CEP120: variants seen among roughly 807,000 people sequenced by gnomAD.
CEP120 encodes centrosomal protein 120.
In CEP120, 113 loss-of-function variants were observed where a neutral mutation model predicts 126.5. That is an observed-to-expected ratio of 0.89 (90% CI 0.77 to 1.04). The LOEUF is 1.04. Among genes scored for constraint, CEP120 ranks in the 50% least tolerant of loss-of-function variants. The pLI is 0.00. For missense variants in CEP120, 1,230 were observed against 1,155.7 expected, an observed-to-expected ratio of 1.06 and a Z score of -0.93; for synonymous variants, 400 against 394.3, an observed-to-expected ratio of 1.01 and a Z score of -0.17.
intron 18 of CEP120, among the ~76,000 whole-genome samples, chr5:123,360,774 G>GT (rs1770018993): frequency 6.6e-6 from 1 of 151,722 alleles, no homozygotes; most frequent in South Asian, 2.1e-4. Context: ...GATTCTTGCA[G>GT]TGGAGCCTTT....
chr5:123,350,030 C>G lies in CEP120; in HGVS notation c.2640G>C (p.Met880Ile). ...LKKQQEELEQ[M>I]RLRYLAAEEK... is the part of the protein sequence containing the mutation. ...CCTCAGCGGCAAGGTAACGTAGTCT[C>G]ATCTGTTCCAATTCTTCCTGCTGTT... Residue 880 changes from methionine (M) to isoleucine (I), a missense_variant, in exon 19 of 20, where the codon ATG (methionine) becomes ATC (isoleucine). Coordinates refer to ENST00000306467, the MANE Select transcript of CEP120 (RefSeq NM_001375405.1). The G allele has an allele frequency of 6.2e-7, 1 of 1,613,664 alleles. No individual in the cohort carries two copies. The highest frequency in any genetic ancestry group is 8.5e-7 in the Non-Finnish European group (1 of 1,179,828).
intron 7 of CEP120, among the ~76,000 whole-genome samples, chr5:123,390,605 T>C (rs1279176528): frequency 6.6e-6 from 1 of 152,214 alleles, no homozygotes; most frequent in Non-Finnish European, 1.5e-5. Context: ...AAAGATCAGC[T>C]TTTTGAAAGA....
rs371015555 is a variant in CEP120 at position 123,392,150 on chromosome 5, G to C, written c.811-813C>G. The stretch of plus-strand genomic sequence containing the variant: ...TAACTTAGTCCCAAAGTTATTATAA[G>C]GTGTAATATTTTTATGGGCTGGAAA... On this transcript the variant is annotated intron_variant, in intron 6 of 19. Transcript: ENST00000306467. Among the ~76,000 whole-genome samples the C allele has an allele frequency of 2.6e-5, 4 of 152,108 alleles. No homozygotes were observed. The East Asian group carries it at 7.7e-4, about 29-fold the overall frequency.
At chr5:123,402,372 C>T (rs1377517202) in intron 4 of CEP120, 4 of 1,366,696 alleles carry the variant, frequency 2.9e-6, no homozygotes, top group Non-Finnish European at 3.9e-6. Flanking sequence ...GCAGGCGGGC[C>T]GAACCAGGCA....
At chr5:123,400,708 A>G (rs1308247883) in intron 4 of CEP120, among the ~76,000 whole-genome samples, 14 of 148,476 alleles carry the variant, frequency 9.4e-5, no homozygotes, top group African/African-American at 3.2e-4. Context: ...TTGGACCAAA[A>G]AAAAAAAAAA....
intron 15 of CEP120, among the ~76,000 whole-genome samples, 155 bp downstream of exon 15, chr5:123,378,181 T>G (rs554427192): frequency 4.7e-4 from 71 of 152,074 alleles, no homozygotes; most frequent in African/African-American, 1.7e-3. Context: ...ATGGAGTGCC[T>G]CTATTCCAGT....
At position 123,381,969 on chromosome 5, in the gene CEP120, C is replaced by T; in HGVS notation, c.2103+142G>A. 3 of 574,840 alleles carry T rather than the reference C, an allele frequency of 5.2e-6. No homozygotes were observed. The South Asian group carries it at 7.5e-5, about 14-fold the overall frequency. The allele number at this position is 574,840 out of a possible 1,614,324, so 35.6% of individuals were successfully genotyped here. A position where few individuals can be genotyped will look rare whatever the true frequency, so the allele number is the denominator to read the frequency against. ...ACAGTGAAACGCCTCCCTTCTCTAT[C>T]CAGAGCCACCACTCACTTCTTCCAT... On this transcript the variant is annotated intron_variant, in intron 14 of 19. Transcript: ENST00000306467.
At position 123,378,439 on chromosome 5, in the gene CEP120, G is replaced by C; in HGVS notation, c.2104-11C>G. The C allele has an allele frequency of 9.2e-6, 8 of 872,654 alleles. No homozygotes were observed. The highest frequency in any genetic ancestry group is 2.5e-5 in the African/African-American group (1 of 40,138). 54.1% of individuals were successfully genotyped at this position (872,654 alleles called of 1,614,324 possible). A position where few individuals can be genotyped will look rare whatever the true frequency, so the allele number is the denominator to read the frequency against. On this transcript the variant is annotated splice_polypyrimidine_tract_variant and intron_variant, in intron 14 of 19. Transcript: ENST00000306467. The stretch of plus-strand genomic sequence containing the variant: ...AGTATATTCAGCCACCTAAAATATA[G>C]TAAAAAAAAAAAAAAAAAAGTTACC...
Position 123,390,418 on chromosome 5 carries a change from G to A in CEP120, c.1039-278C>T, listed in dbSNP as rs961303892. The A allele has an allele frequency of 2.6e-5, 13 of 506,264 alleles. No homozygotes were observed. The East Asian group carries it at 3.0e-4, about 12-fold the overall frequency. 31.4% of individuals were successfully genotyped at this position (506,264 alleles called of 1,614,324 possible). ...AAAGAAGTCAGGCATAGGTGTCCCC[G>A]GGAATGGTTATTCCTACCAAGGCAG... On this transcript the variant is annotated intron_variant, in intron 7 of 19. Coordinates refer to ENST00000306467, the MANE Select transcript of CEP120 (RefSeq NM_001375405.1).
In CEP120 at chr5:123,345,974, A is replaced by G. The variant is rs1768784774; in HGVS notation, c.*545T>C. On this transcript the variant is annotated 3_prime_UTR_variant, in exon 20 of 20. Transcript: ENST00000306467. ...TTAACTTTATTTAAATAAATGACCAATCTGTCACCCAACATGTCATGTGGC... is the reference window on the plus strand; with the variant it reads ...TTAACTTTATTTAAATAAATGACCAGTCTGTCACCCAACATGTCATGTGGC... The G allele has an allele frequency of 1.3e-5, 2 of 152,436 alleles. No individual in the cohort carries two copies. Among genetic ancestry groups the G allele is most frequent in the Non-Finnish European group, 2.9e-5 (2 of 68,050 alleles). 9.4% of individuals were successfully genotyped at this position (152,436 alleles called of 1,614,324 possible).
intron 11 of CEP120, among the ~76,000 whole-genome samples, chr5:123,383,402 C>T (rs981560234): frequency 6.6e-6 from 1 of 152,072 alleles, no homozygotes; most frequent in African/African-American, 2.4e-5. Context: ...TATTTCCCTC[C>T]TGTTTTATTT....
At chr5:123,417,469 C>A (rs1301766313) in intron 2 of CEP120, among the ~76,000 whole-genome samples, 2 of 151,936 alleles carry the variant, frequency 1.3e-5, no homozygotes, top group East Asian at 3.8e-4. Context: ...TATACTATAA[C>A]TTTAAGTCTA....
At chr5:123,410,188 TAAAAG>T (rs564834807) in intron 4 of CEP120, among the ~76,000 whole-genome samples, 209 of 152,156 alleles carry the variant, frequency 1.4e-3, no homozygotes, top group African/African-American at 4.6e-3. Context: ...AAAACTCTGA[TAAAAG>T]AAATCAAAGA....
chr5:123,356,052 T>A (rs1449608403), intron 18 of CEP120, among the ~76,000 whole-genome samples: 2 of 152,222 alleles, frequency 1.3e-5, no homozygotes. Context: ...CCCCATTTCC[T>A]GTTTTTGTCA....
At chr5:123,366,201 T>C (rs1437333290) in intron 17 of CEP120, among the ~76,000 whole-genome samples, 1 of 151,808 alleles carries the variant, frequency 6.6e-6, no homozygotes, top group East Asian at 1.9e-4. Context: ...TAAAGAAATA[T>C]ATGGACCCAA....
intron 10 of CEP120, among the ~76,000 whole-genome samples, chr5:123,386,157 A>G (rs1158140889): frequency 6.6e-6 from 1 of 152,146 alleles, no homozygotes; most frequent in Non-Finnish European, 1.5e-5. Flanking sequence ...TCATTCAGTG[A>G]ATCAACAATA....
At position 123,377,464 on chromosome 5, in the gene CEP120, A is replaced by G. The variant is rs1282374438; in HGVS notation, c.2268T>C (p.Arg756=). 3.1e-6 allele frequency: 5 copies of G among 1,611,232 alleles called. No individual in the cohort carries two copies. Among genetic ancestry groups the G allele is most frequent in the Non-Finnish European group, 4.2e-6 (5 of 1,179,206 alleles). Residue 756 remains arginine (R), a synonymous_variant, in exon 16 of 20, where the codon CGT becomes CGC. Coordinates refer to ENST00000306467, the MANE Select transcript of CEP120 (RefSeq NM_001375405.1). ...GGTGAATACAGTCCTCTTTGGCCCT[A>G]CGGATAGAGTCCTGCAGTTCTTGCA... The part of the protein sequence containing the change: ...RNLQELQDSI[R]RAKEDCIHQV...
At chr5:123,382,375 T>G (rs1050617279) in intron 13 of CEP120, among the ~76,000 whole-genome samples, 175 bp from the exon 14 acceptor site, 1 of 151,358 alleles carries the variant, frequency 6.6e-6, no homozygotes, top group African/African-American at 2.4e-5. Flanking sequence ...TAATGCCCAT[T>G]TGAGTTCACT....
chr5:123,376,533 A>C (rs1201632739), intron 16 of CEP120, among the ~76,000 whole-genome samples: 1 of 152,094 alleles, frequency 6.6e-6, no homozygotes, highest in Non-Finnish European at 1.5e-5. Flanking sequence ...TTTAAAGAGG[A>C]GAGTATCAAG....
Sources: allele counts gnomAD v4.1 joint callset (sites outside exome capture counted in the v4.1 genomes callset), GRCh38; gene constraint gnomAD v4.1.1; transcripts MANE v1.5; gene names NCBI Gene and HGNC (gene_info 2026-07-23, HGNC 2026-07-21).